PDE6A: variants seen among roughly 807,000 people sequenced by gnomAD.
The protein encoded by PDE6A is rod cGMP-specific 3',5'-cyclic phosphodiesterase subunit alpha.
In PDE6A, 84 loss-of-function variants were observed where a neutral mutation model predicts 106.3. That is an observed-to-expected ratio of 0.79 (90% confidence interval 0.66 to 0.95). The LOEUF (loss-of-function observed/expected upper bound fraction) is 0.95. Ranked by LOEUF, PDE6A falls within the 40% of genes least tolerant of loss-of-function variation. PDE6A has a pLI of 0.00. For synonymous variants in PDE6A, 394 were observed against 386.6 expected (o/e 1.02, Z -0.23); for missense variants, 1,052 against 1,084.9 (o/e 0.97, Z 0.43).
At chr5:149,933,510 CT>C (rs372853937) in intron 3 of PDE6A, among the ~76,000 whole-genome samples, 269 of 152,298 alleles carry the variant, frequency 1.8e-3, no homozygotes, top group African/African-American at 6.3e-3. Context: ...AGCTCTTTCC[CT>C]TTCATTTATC....
chr5:149,935,166 T>G (rs2113662084), intron 1 of PDE6A, among the ~76,000 whole-genome samples: 1 of 152,310 alleles, frequency 6.6e-6, no homozygotes, highest in East Asian at 1.9e-4. Context: ...CGCAATAAGC[T>G]ATGAGATAAG....
intron 19 of PDE6A, chr5:149,866,682 A>C (rs1204143219): frequency 5.1e-6 from 1 of 194,940 alleles, no homozygotes; most frequent in Admixed American, 5.3e-5. Flanking sequence ...ATACTGAAGT[A>C]TATGACTTTT....
intron 13 of PDE6A, among the ~76,000 whole-genome samples, chr5:149,888,171 T>A (rs1752387123): frequency 6.6e-6 from 1 of 152,086 alleles, no homozygotes; most frequent in African/African-American, 2.4e-5. Context: ...GGATAGAGAT[T>A]AAATGTTGCC....
chr5:149,919,042 G>A lies in PDE6A; in HGVS notation c.933+2593C>T, dbSNP rs939512960. Among the ~76,000 whole-genome samples the A allele has an allele frequency of 5.3e-5, 8 of 152,242 alleles. No homozygotes were observed. The South Asian group carries it at 8.3e-4, about 16-fold the overall frequency. On this transcript the variant is annotated intron_variant, in intron 5 of 21. Transcript: ENST00000255266. ...TCCTAGGAGATAAGTTTCTGCCTGCGAGGGGGAGGAGGCAGAGTTCCAGGA... is the reference window on the plus strand; with the variant it reads ...TCCTAGGAGATAAGTTTCTGCCTGCAAGGGGGAGGAGGCAGAGTTCCAGGA...
At chr5:149,941,937 T>TCCTTGCCTTG (rs1159070145) in intron 1 of PDE6A, among the ~76,000 whole-genome samples, 1 of 152,136 alleles carries the variant, frequency 6.6e-6, no homozygotes, top group Non-Finnish European at 1.5e-5. Context: ...AGCTTTCCTT[T>TCCTTGCCTTG]CCTTGCCTTG....
At chr5:149,883,594 G>T in intron 16 of PDE6A, 58 bp from the exon 17 acceptor site, 1 of 1,129,142 alleles carries the variant, frequency 8.9e-7, no homozygotes, top group Non-Finnish European at 1.3e-6. Flanking sequence ...CAACACCTGA[G>T]CTGCTAACAT....
chr5:149,896,626 G>A (rs986548180), intron 11 of PDE6A, 85 bp downstream of exon 11: 4 of 1,613,568 alleles, frequency 2.5e-6, no homozygotes, highest in Non-Finnish European at 3.4e-6. Context: ...TGGGGAACAT[G>A]CTTTGCAAGG....
intron 6 of PDE6A, among the ~76,000 whole-genome samples, chr5:149,914,051 A>G (rs1466704831): frequency 6.6e-6 from 1 of 152,190 alleles, no homozygotes; most frequent in Non-Finnish European, 1.5e-5. Flanking sequence ...TTCAAGTACC[A>G]GAAGAGTAGC....
chr5:149,867,139 T>C (rs1227657849), intron 19 of PDE6A: 1 of 179,320 alleles, frequency 5.6e-6, no homozygotes. Flanking sequence ...ACAATGTCTC[T>C]CTCTTTTACC....
At position 149,860,613 on chromosome 5, in the gene PDE6A, T is replaced by G; in HGVS notation, c.*282A>C. On this transcript the variant is annotated 3_prime_UTR_variant, in exon 22 of 22. Transcript: ENST00000255266. ...TTGAATGCGGCCCAACACAAATTCA[T>G]AAACTTTCTTAAAACATTATGAAAT... 1 of 364,458 alleles carries G rather than the reference T, an allele frequency of 2.7e-6. No homozygotes were observed. The highest frequency in any genetic ancestry group is 5.0e-6 in the Non-Finnish European group (1 of 200,582). 22.6% of individuals were successfully genotyped at this position (364,458 alleles called of 1,614,324 possible).
At chr5:149,862,825 G>T (rs1243370895) in intron 21 of PDE6A, among the ~76,000 whole-genome samples, 1 of 152,186 alleles carries the variant, frequency 6.6e-6, no homozygotes, top group East Asian at 1.9e-4. Context: ...TTTGTCCCAG[G>T]GTAGGGACAT....
chr5:149,861,644 T>C lies in PDE6A; in HGVS notation c.2507-673A>G, dbSNP rs143557142. Among the ~76,000 whole-genome samples, 80 of 152,226 alleles carry C rather than the reference T, an allele frequency of 5.3e-4. No individual in the cohort carries two copies. The East Asian group carries it at 0.015, about 29-fold the overall frequency. On this transcript the variant is annotated intron_variant, in intron 21 of 21. Transcript: ENST00000255266. Reference sequence around the variant, plus strand: ...CAGCCTGGGCAACAAAGCAAGACTCTATCTCCAAAAAAGAAAGAAAAAGAG... The same window carrying C: ...CAGCCTGGGCAACAAAGCAAGACTCCATCTCCAAAAAAGAAAGAAAAAGAG...
intron 16 of PDE6A, among the ~76,000 whole-genome samples, chr5:149,884,181 CA>C (rs1186411987): frequency 1.0e-5 from 1 of 100,188 alleles, no homozygotes; most frequent in African/African-American, 4.0e-5. Context: ...GATCCTGTCT[CA>C]AAAAAGAAAA....
At chr5:149,931,255 T>C in intron 3 of PDE6A, 87 bp from the exon 4 acceptor site, 2 of 1,259,308 alleles carry the variant, frequency 1.6e-6, no homozygotes, top group East Asian at 2.4e-5. Context: ...TTCTGTAAAG[T>C]TGTCTGGAGT....
chr5:149,894,699 TTGGCTCACTGCAACCTCTGCCTCC>T (rs1296765334), intron 13 of PDE6A, among the ~76,000 whole-genome samples: 1 of 148,120 alleles, frequency 6.8e-6, no homozygotes, highest in East Asian at 2.0e-4. Context: ...TGGCGCGATC[TTGGCTCACTGCAACCTCTGCCTCC>T]CGGGTTCAAG....
intron 18 of PDE6A, 56 bp downstream of exon 18, chr5:149,868,039 A>G (rs1760396135): frequency 3.9e-6 from 6 of 1,536,258 alleles, no homozygotes; most frequent in African/African-American, 1.4e-5. Context: ...AAGCCTCATG[A>G]CCTGATGCCC....
At chr5:149,900,375 G>GTATACATATATATATATATATATA (rs1752924164) in intron 8 of PDE6A, among the ~76,000 whole-genome samples, 1 of 82,584 alleles carries the variant, frequency 1.2e-5, no homozygotes, top group African/African-American at 3.8e-5. Flanking sequence ...AAATATATAT[G>GTATACATATATATATATATATATA]TATATATATA....
intron 5 of PDE6A, 145 bp downstream of exon 5, chr5:149,921,490 A>G (rs954950714): frequency 1.2e-5 from 8 of 665,158 alleles, no homozygotes; most frequent in Admixed American, 8.2e-5. Flanking sequence ...CTGCTATTGA[A>G]TATGAGAGAT....
intron 5 of PDE6A, among the ~76,000 whole-genome samples, chr5:149,917,419 G>A (rs568195512): frequency 2.6e-5 from 4 of 152,282 alleles, no homozygotes; most frequent in South Asian, 2.1e-4. Context: ...CCACAAAGAG[G>A]AATTCCTGAA....
Sources: allele counts gnomAD v4.1 joint callset (sites outside exome capture counted in the v4.1 genomes callset), GRCh38; gene constraint gnomAD v4.1.1; transcripts MANE v1.5; gene names NCBI Gene and HGNC (gene_info 2026-07-23, HGNC 2026-07-21).